The following RBM20 variants were observed in gnomAD, a reference collection of about 807,000 sequenced individuals.
The protein encoded by RBM20 is RNA-binding protein 20.
In RBM20, 51 loss-of-function variants were observed where a neutral mutation model predicts 110.1. That is an observed-to-expected ratio of 0.46 (90% CI 0.37 to 0.59). RBM20 has a LOEUF of 0.59. RBM20 is among the 20% of genes least tolerant of loss of function. The pLI, the probability that RBM20 is intolerant of heterozygous loss-of-function variation, is 0.00. For missense variants in RBM20, 1,512 were observed against 1,574.9 expected, an observed-to-expected ratio of 0.96 and a Z score of 0.68; for synonymous variants, 589 against 618.2, an observed-to-expected ratio of 0.95 and a Z score of 0.70.
At chr10:110,759,469 AAG>A (rs1439193672) in intron 1 of RBM20, among the ~76,000 whole-genome samples, 1 of 152,222 alleles carries the variant, frequency 6.6e-6, no homozygotes, top group Non-Finnish European at 1.5e-5. Flanking sequence ...ATAAGAGAAA[AAG>A]AAAAGGCCCC....
At chr10:110,665,979 A>G (rs35866177) in intron 1 of RBM20, among the ~76,000 whole-genome samples, 116,773 of 149,452 alleles carry the variant, frequency 0.78, 45,620 homozygotes, top group Admixed American at 0.79. Context: ...GCCCAGTGTG[A>G]TGGCACAAAG....
Position 110,812,749 on chromosome 10 carries a change from G to C in RBM20, c.2352G>C (p.Arg784Ser). ...QQQDAPGRSR[R>S]KDEARLRESR... is the part of the protein sequence containing the mutation. ...AGGATGCCCCCGGGAGGTCCAGGAG[G>C]AAAGACGAGGCCAGGCTGCGGGAAA... Residue 784 changes from arginine to serine, a missense_variant, in exon 9 of 14, where the codon AGG (arginine) becomes AGC (serine). Coordinates refer to ENST00000369519, the MANE Select transcript of RBM20 (RefSeq NM_001134363.3). The C allele has an allele frequency of 6.4e-7, 1 of 1,551,770 alleles. No homozygotes were observed. The highest frequency in any genetic ancestry group is 1.2e-5 in the South Asian group (1 of 84,054).
chr10:110,737,972 G>C (rs1843689174), intron 1 of RBM20, among the ~76,000 whole-genome samples: 1 of 152,200 alleles, frequency 6.6e-6, no homozygotes, highest in Non-Finnish European at 1.5e-5. Context: ...TATAAGACCA[G>C]GTCTTGCCTG....
chr10:110,794,187 G>A (rs1844520016), intron 5 of RBM20, among the ~76,000 whole-genome samples: 1 of 152,166 alleles, frequency 6.6e-6, no homozygotes, highest in South Asian at 2.1e-4. Flanking sequence ...AAAGTGTAAT[G>A]AGAATAGAAT....
intron 1 of RBM20, among the ~76,000 whole-genome samples, chr10:110,762,851 G>A (rs1315118741): frequency 2.0e-5 from 3 of 152,222 alleles, no homozygotes; most frequent in African/African-American, 7.2e-5. Context: ...AAAGTTCTGG[G>A]CATAATGAAA....
chr10:110,669,659 C>T (rs1025570421), intron 1 of RBM20, among the ~76,000 whole-genome samples: 1 of 152,206 alleles, frequency 6.6e-6, no homozygotes, highest in South Asian at 2.1e-4. Context: ...TGGGCTCAAG[C>T]GGTCCTCCAG....
At chr10:110,800,347 A>G (rs1052987291) in intron 7 of RBM20, among the ~76,000 whole-genome samples, 2 of 152,200 alleles carry the variant, frequency 1.3e-5, no homozygotes, top group Admixed American at 1.3e-4. Context: ...CTTAAGCCTC[A>G]TAGAAGTCCT....
chr10:110,810,487 C>G, intron 8 of RBM20, 25 bp downstream of exon 8: 1 of 1,521,896 alleles, frequency 6.6e-7, no homozygotes, highest in Non-Finnish European at 8.9e-7. Context: ...CCCAAGTCTC[C>G]AGGCAGGTTC....
chr10:110,810,468 G>GC lies in RBM20; in HGVS notation c.1880+10dup. 2 of 1,545,560 alleles carry GC rather than the reference G, an allele frequency of 1.3e-6. No individual in the cohort carries two copies. Among genetic ancestry groups the GC allele is most frequent in the Non-Finnish European group, 1.8e-6 (2 of 1,141,544 alleles). ...ATGTTCCGGGAAGCAGACAGGTGAG[G>GC]CCCCAAGCCCCAAGTCTCCAGGCAG... On this transcript the variant is annotated splice_region_variant and intron_variant, in intron 8 of 13. Coordinates refer to ENST00000369519, the MANE Select transcript of RBM20 (RefSeq NM_001134363.3).
intron 1 of RBM20, among the ~76,000 whole-genome samples, chr10:110,653,904 A>G (rs1861985330): frequency 6.6e-6 from 1 of 152,152 alleles, no homozygotes; most frequent in Admixed American, 6.5e-5. Context: ...CTACTTTCCA[A>G]TACTGAAGAT....
rs1564661482 is a variant in RBM20, at chr10:110,812,956, C to T, written c.2550+9C>T. 1 of 1,440,428 alleles carries T rather than the reference C, an allele frequency of 6.9e-7. No homozygotes were observed. Among genetic ancestry groups the T allele is most frequent in the Non-Finnish European group, 9.2e-7 (1 of 1,092,646 alleles). The allele number at this position is 1,440,428 out of a possible 1,614,324, so 89.2% of individuals were successfully genotyped here. On this transcript the variant is annotated intron_variant, in intron 9 of 13. Transcript: ENST00000369519. ...CAATGGCAGAGAATGAGGTAATGAT[C>T]AATTTCTTCCCCAGGTAAGGCGAGG...
At chr10:110,774,893 A>G (rs1470222851) in intron 1 of RBM20, among the ~76,000 whole-genome samples, 1 of 152,232 alleles carries the variant, frequency 6.6e-6, no homozygotes, top group African/African-American at 2.4e-5. Context: ...TTCTGAAAGC[A>G]TTATAGCAGA....
chr10:110,757,160 T>C (rs1486933914), intron 1 of RBM20, among the ~76,000 whole-genome samples: 1 of 152,210 alleles, frequency 6.6e-6, no homozygotes, highest in African/African-American at 2.4e-5. Flanking sequence ...AGAGCACAGA[T>C]TCCACCTGCT....
chr10:110,662,987 CAG>C (rs1230860279), intron 1 of RBM20, among the ~76,000 whole-genome samples: 2 of 151,310 alleles, frequency 1.3e-5, no homozygotes, highest in Non-Finnish European at 2.9e-5. Context: ...TTTTTTAAGA[CAG>C]AGTCTCACAC....
chr10:110,719,358 T>A (rs1321981315), intron 1 of RBM20, among the ~76,000 whole-genome samples: 1 of 152,222 alleles, frequency 6.6e-6, no homozygotes, highest in Non-Finnish European at 1.5e-5. Flanking sequence ...TCTCTTGCAT[T>A]TCCCCTTCCA....
chr10:110,827,193 G>A (rs942529836), intron 12 of RBM20, among the ~76,000 whole-genome samples: 4 of 151,876 alleles, frequency 2.6e-5, no homozygotes, highest in African/African-American at 7.3e-5. Flanking sequence ...GGCAACATAG[G>A]GAGACCCTGT....
chr10:110,769,390 T>C (rs930725616), intron 1 of RBM20, among the ~76,000 whole-genome samples: 3 of 152,220 alleles, frequency 2.0e-5, no homozygotes, highest in Admixed American at 1.3e-4. Flanking sequence ...CTCTGTTCTC[T>C]GTACTAGTGA....
Position 110,820,073 on chromosome 10 carries a change from C to A in RBM20, c.2552C>A (p.Ala851Asp). The A allele has an allele frequency of 6.5e-7, 1 of 1,545,860 alleles. No homozygotes were observed. Reference protein sequence around the residue: ...RKENTMAENEAGKEEQEGMEE... With the variant: ...RKENTMAENEDGKEEQEGMEE... Reference sequence around the variant, plus strand: ...TTGCTCTGTTCTTCCTTTGATAAGGCTGGAAAAGAGGAACAGGAGGGCATG... The same window carrying A: ...TTGCTCTGTTCTTCCTTTGATAAGGATGGAAAAGAGGAACAGGAGGGCATG... Residue 851 changes from alanine to aspartate, a missense_variant and splice_region_variant, in exon 10 of 14, where the codon GCT becomes GAT. Ala to Asp is a moderately radical substitution (Grantham distance 126). Around this residue, in one of 3 missense-constraint regions of RBM20, gnomAD observed 1,149 missense variants for 1,169.4 expected, o/e 0.98. Coordinates refer to ENST00000369519, the MANE Select transcript of RBM20 (RefSeq NM_001134363.3).
chr10:110,810,500 G>C (rs1180129032), intron 8 of RBM20, 38 bp downstream of exon 8: 2 of 1,457,502 alleles, frequency 1.4e-6, no homozygotes, highest in Middle Eastern at 1.7e-4. Flanking sequence ...GCAGGTTCTG[G>C]GCAGTGGGAA....
Sources: gnomAD v4.1 joint callset for allele counts (sites outside exome capture counted in the v4.1 genomes callset) on GRCh38, gnomAD v4.1.1 for gene constraint, gnomAD v4.1.1 regional missense constraint, MANE v1.5 for transcripts, NCBI Gene and HGNC (gene_info 2026-07-23, HGNC 2026-07-21) for gene names.